The following BRSK1 variants were observed in gnomAD, a reference collection of about 807,000 sequenced individuals.
BRSK1 encodes BR serine/threonine kinase 1.
A neutral mutation model predicts 86.2 loss-of-function variants in BRSK1; 17 were observed. That is an observed-to-expected ratio of 0.20 (90% CI 0.14 to 0.30). The LOEUF (loss-of-function observed/expected upper bound fraction) is 0.30. Among genes scored for constraint, BRSK1 ranks in the 10% least tolerant of loss-of-function variants. The pLI is 1.00. For synonymous variants in BRSK1, 464 were observed against 440.1 expected (o/e 1.05, Z -0.68); for missense variants, 719 against 1,071.9 (o/e 0.67, Z 4.60).
chr19:55,302,383 G>C lies in BRSK1; in HGVS notation c.857+215G>C. ...CTAAGCTAGGAGTCCAGGACTCCCA[G>C]GTTTGAGGGAAAAAGGGACTGGGGG... On this transcript the variant is annotated intron_variant, in intron 9 of 18. Coordinates refer to ENST00000309383, the MANE Select transcript of BRSK1 (RefSeq NM_032430.2). This position sits in a 1 kb window ranked among gnomAD's most constrained non-coding sequence, Gnocchi z 6.3. The C allele has an allele frequency of 1.6e-6, 1 of 632,138 alleles. No homozygotes were observed. Among genetic ancestry groups the C allele is most frequent in the East Asian group, 2.7e-5 (1 of 36,760 alleles). The allele number at this position is 632,138 out of a possible 1,614,324, so 39.2% of individuals were successfully genotyped here. A position where few individuals can be genotyped will look rare whatever the true frequency, so the allele number is the denominator to read the frequency against.
intron 4 of BRSK1, among the ~76,000 whole-genome samples, chr19:55,290,233 T>C (rs1182675976): frequency 6.6e-6 from 1 of 152,204 alleles, no homozygotes; most frequent in Non-Finnish European, 1.5e-5. Context: ...TGACCTCAGG[T>C]GATCTGCCCG....
intron 7 of BRSK1, among the ~76,000 whole-genome samples, chr19:55,299,378 T>TG (rs139132733): frequency 0.12 from 18,213 of 151,338 alleles, 1,232 homozygotes; most frequent in Middle Eastern, 0.2. Context: ...TTGGTTTTTT[T>TG]TTTTGTTTTG....
intron 1 of BRSK1, among the ~76,000 whole-genome samples, chr19:55,285,638 G>T (rs2088298472): frequency 6.6e-6 from 1 of 152,154 alleles, no homozygotes; most frequent in Non-Finnish European, 1.5e-5. Context: ...GCTGCAGCAG[G>T]CGCGTCTCCT....
In BRSK1 at chr19:55,287,012, G is replaced by T. The variant is rs778594088; in HGVS notation, c.142G>T (p.Val48Phe). Residue 48 changes from valine (V) to phenylalanine (F), a missense_variant, in exon 2 of 19, where the codon GTT (valine) becomes TTT (phenylalanine). Around this residue, in one of 6 missense-constraint regions of BRSK1, gnomAD observed 71 missense variants for 92.6 expected, o/e 0.77. Coordinates refer to ENST00000309383, the MANE Select transcript of BRSK1 (RefSeq NM_032430.2). This position sits in a 1 kb window ranked among gnomAD's most constrained non-coding sequence, Gnocchi z 5.3. ...KTLGKGQTGL[V>F]KLGVHCITGQ... ...TTTTCACCCTGCTCCTGCAGGGCTG[G>T]TTAAACTCGGGGTCCACTGCATCAC... The T allele has an allele frequency of 6.2e-7, 1 of 1,614,006 alleles. No homozygotes were observed. The highest frequency in any genetic ancestry group is 8.5e-7 in the Non-Finnish European group (1 of 1,179,960).
At chr19:55,308,496 G>A in intron 17 of BRSK1, 143 bp from the exon 18 acceptor site, 1 of 673,476 alleles carries the variant, frequency 1.5e-6, no homozygotes, top group Non-Finnish European at 2.8e-6. Context: ...ACCGTGGATT[G>A]ATGTGGCCCC....
At position 55,284,283 on chromosome 19, in the gene BRSK1, C is replaced by T; in HGVS notation, c.-160C>T. On this transcript the variant is annotated 5_prime_UTR_variant, in exon 1 of 19. Transcript: ENST00000309383. The stretch of plus-strand genomic sequence containing the variant: ...CCCCTCCCCCAGCTCCGCGGCCCGC[C>T]GACTGGGGGGGGCCAGCCCAGCCCC... The T allele has an allele frequency of 3.4e-6, 2 of 581,814 alleles. No individual in the cohort carries two copies. The highest frequency in any genetic ancestry group is 3.8e-5 in the East Asian group (1 of 26,474). The allele number at this position is 581,814 out of a possible 1,614,324, so 36.0% of individuals were successfully genotyped here.
At chr19:55,296,017 C>A (rs1214432813) in intron 7 of BRSK1, among the ~76,000 whole-genome samples, 1 of 152,116 alleles carries the variant, frequency 6.6e-6, no homozygotes, top group African/African-American at 2.4e-5. Context: ...CTGCTCCTAC[C>A]ACAGGGCCTT....
rs68176323 is a variant in BRSK1 at position 55,307,747 on chromosome 19, T to TACAC, written c.2090-854_2090-851dup. On this transcript the variant is annotated intron_variant, in intron 17 of 18. Coordinates refer to ENST00000309383, the MANE Select transcript of BRSK1 (RefSeq NM_032430.2). ...TCTACAAAACAAACAAAAAAATTTA[T>TACAC]ACACACACACACACACACACACACA... 9.5e-3 allele frequency among the ~76,000 whole-genome samples: 836 copies of TACAC among 88,110 alleles called. 13 individuals carry two copies. The highest frequency in any genetic ancestry group is 0.032 in the African/African-American group (607 of 19,102). 57.8% of individuals were successfully genotyped at this position (88,110 alleles called of 152,430 possible). A position where few individuals can be genotyped will look rare whatever the true frequency, so the allele number is the denominator to read the frequency against.
In BRSK1 at chr19:55,306,203, G is replaced by A; in HGVS notation, c.1891-49G>A. On this transcript the variant is annotated intron_variant, in intron 16 of 18. Coordinates refer to ENST00000309383, the MANE Select transcript of BRSK1 (RefSeq NM_032430.2). This position sits in a 1 kb window ranked among gnomAD's most constrained non-coding sequence, Gnocchi z 4.7. Reference sequence around the variant, plus strand: ...TTGGCCAGAGCTGGTCGTGGGGCTGGGTATCCATTTCCTGGGCTCACCCCT... The same window carrying A: ...TTGGCCAGAGCTGGTCGTGGGGCTGAGTATCCATTTCCTGGGCTCACCCCT... 1 of 1,594,194 alleles carries A rather than the reference G, an allele frequency of 6.3e-7. No individual in the cohort carries two copies. Among genetic ancestry groups the A allele is most frequent in the South Asian group, 1.1e-5 (1 of 90,366 alleles).
At position 55,304,984 on chromosome 19, in the gene BRSK1, A is replaced by G. The variant is rs1012406277; in HGVS notation, c.1717+64A>G. On this transcript the variant is annotated intron_variant, in intron 14 of 18. Coordinates refer to ENST00000309383, the MANE Select transcript of BRSK1 (RefSeq NM_032430.2). The surrounding 1 kb of genome is among the most constrained non-coding windows in gnomAD (Gnocchi z 5.2). ...AGGTTGGGGCTAAAAATCTGGTTCCAGGGATGTCCGTCTGGCGTGTCTAGA... is the reference window on the plus strand; with the variant it reads ...AGGTTGGGGCTAAAAATCTGGTTCCGGGGATGTCCGTCTGGCGTGTCTAGA... 13 of 1,584,308 alleles carry G rather than the reference A, an allele frequency of 8.2e-6. No homozygotes were observed. The highest frequency in any genetic ancestry group is 9.4e-6 in the Non-Finnish European group (11 of 1,172,982).
Position 55,284,210 on chromosome 19 carries a change from C to G in BRSK1, c.-233C>G. ...GCTGGGGAGGGGGGGCCCCGCAGCCCCCCTGGGCCATGCTGACTCCCGGGG... is the reference window on the plus strand; with the variant it reads ...GCTGGGGAGGGGGGGCCCCGCAGCCGCCCTGGGCCATGCTGACTCCCGGGG... On this transcript the variant is annotated 5_prime_UTR_variant, in exon 1 of 19. Transcript: ENST00000309383. 1.4e-6 allele frequency: 1 copy of G among 723,276 alleles called. No individual in the cohort carries two copies. The highest frequency in any genetic ancestry group is 1.9e-6 in the Non-Finnish European group (1 of 525,906). The allele number at this position is 723,276 out of a possible 1,614,324, so 44.8% of individuals were successfully genotyped here. A position where few individuals can be genotyped will look rare whatever the true frequency, so the allele number is the denominator to read the frequency against.
At position 55,303,373 on chromosome 19, in the gene BRSK1, G is replaced by A. The variant is rs1202163773; in HGVS notation, c.1091G>A (p.Cys364Tyr). The change falls in exon 11 of 19, where the codon TGT becomes TAT. Residue 364 changes from cysteine to tyrosine, a missense_variant. This residue lies in a region of BRSK1 where 168 missense variants were observed against 246.3 expected (regional missense o/e 0.68). Transcript: ENST00000309383. The surrounding 1 kb of genome is among the most constrained non-coding windows in gnomAD (Gnocchi z 5.1). ...GATCGGAAGGAGCGGTATCCCAGCT[G>A]TGAGGACCAGGACCTGCCTCCCCGG... is the stretch of plus-strand genomic sequence containing the variant. ...LLDRKERYPS[C>Y]EDQDLPPRND... 3 of 1,613,886 alleles carry A rather than the reference G, an allele frequency of 1.9e-6. No individual in the cohort carries two copies. Among genetic ancestry groups the A allele is most frequent in the African/African-American group, 1.3e-5 (1 of 74,892 alleles).
intron 3 of BRSK1, among the ~76,000 whole-genome samples, chr19:55,288,292 A>G (rs1206014182): frequency 3.3e-5 from 5 of 151,952 alleles, no homozygotes; most frequent in Middle Eastern, 3.2e-3. Flanking sequence ...CCTGAGCAAC[A>G]TGGCAAAACC....
At chr19:55,292,054 C>G (rs992419094) in intron 4 of BRSK1, among the ~76,000 whole-genome samples, 1 of 152,206 alleles carries the variant, frequency 6.6e-6, no homozygotes, top group African/African-American at 2.4e-5. Context: ...GCCACCGCAC[C>G]CGGCCCTGTT....
In BRSK1 at chr19:55,305,512, G is replaced by C. The variant is rs747228714; in HGVS notation, c.1816G>C (p.Glu606Gln). Residue 606 changes from glutamate to glutamine, a missense_variant, in exon 16 of 19, where the codon GAA becomes CAA. Around this residue, in one of 6 missense-constraint regions of BRSK1, gnomAD observed 180 missense variants for 259.4 expected, o/e 0.69. Coordinates refer to ENST00000309383, the MANE Select transcript of BRSK1 (RefSeq NM_032430.2). ...GAACTTCATCTCCTTGGACAAAGAA[G>C]AACAAATATTCCTCGTGCTAAAGGA... is the stretch of plus-strand genomic sequence containing the variant. The part of the protein sequence containing the change: ...FGNFISLDKE[E>Q]QIFLVLKDKP... 6.2e-7 allele frequency: 1 copy of C among 1,614,202 alleles called. No individual in the cohort carries two copies. Among genetic ancestry groups the C allele is most frequent in the Non-Finnish European group, 8.5e-7 (1 of 1,180,034 alleles).
rs1208587746 is a variant in BRSK1 at position 55,287,115 on chromosome 19, C to T, written c.231+14C>T. The T allele has an allele frequency of 1.9e-6, 3 of 1,598,534 alleles. No individual in the cohort carries two copies. The African/African-American group carries it at 4.1e-5, about 22-fold the overall frequency. ...GTGCTGATGAAGGTGTGTGCGCCTG[C>T]TGCAGTGTGCCTGCGGGTGGGGGGG... On this transcript the variant is annotated intron_variant, in intron 2 of 18. Coordinates refer to ENST00000309383, the MANE Select transcript of BRSK1 (RefSeq NM_032430.2). The surrounding 1 kb of genome is among the most constrained non-coding windows in gnomAD (Gnocchi z 5.3).
rs984086790 is a variant in BRSK1, at chr19:55,304,245, A to G, written c.1347+135A>G. On this transcript the variant is annotated intron_variant, in intron 13 of 18. Transcript: ENST00000309383. This position sits in a 1 kb window ranked among gnomAD's most constrained non-coding sequence, Gnocchi z 5.2. ...TTGTCCCTGGAGGGCCAAAGACCCA[A>G]GGCCTCCAAAGTATTTTGGTCCATT... is the stretch of plus-strand genomic sequence containing the variant. The G allele has an allele frequency of 1.5e-5, 14 of 933,506 alleles. No individual in the cohort carries two copies. Among genetic ancestry groups the G allele is most frequent in the Middle Eastern group, 3.4e-4 (1 of 2,930 alleles). The allele number at this position is 933,506 out of a possible 1,614,324, so 57.8% of individuals were successfully genotyped here. A position where few individuals can be genotyped will look rare whatever the true frequency, so the allele number is the denominator to read the frequency against.
chr19:55,306,341 C>T lies in BRSK1; in HGVS notation c.1980C>T (p.Pro660=), dbSNP rs199649218. The change falls in exon 17 of 19, where the codon CCC becomes CCT. Residue 660 remains proline, a synonymous_variant. Coordinates refer to ENST00000309383, the MANE Select transcript of BRSK1 (RefSeq NM_032430.2). This position sits in a 1 kb window ranked among gnomAD's most constrained non-coding sequence, Gnocchi z 4.7. ...GCGGCCCCTCCGTCTTCCAAAAGCC[C>T]GTCCGCTTCCAGGTGGACATCAGCT... ...ASGGPSVFQK[P]VRFQVDISSS... 9.0e-5 allele frequency: 146 copies of T among 1,614,112 alleles called. No individual in the cohort carries two copies. The highest frequency in any genetic ancestry group is 1.1e-4 in the Non-Finnish European group (134 of 1,180,044).
Position 55,304,883 on chromosome 19 carries a change from C to T in BRSK1, c.1680C>T (p.Phe560=), listed in dbSNP as rs770480028. 6 of 1,609,590 alleles carry T rather than the reference C, an allele frequency of 3.7e-6. No individual in the cohort carries two copies. The East Asian group carries it at 1.3e-4, about 36-fold the overall frequency. Residue 560 remains phenylalanine, a synonymous_variant, in exon 14 of 19, where the codon TTC becomes TTT. Transcript: ENST00000309383. This position sits in a 1 kb window ranked among gnomAD's most constrained non-coding sequence, Gnocchi z 5.2. ...RSRLNSIRNS[F]LGSPRFHRRK... ...GTCTCAACTCCATCCGCAACAGCTT[C>T]CTGGGCTCCCCTCGCTTTCACCGGC...
Sources: gnomAD v4.1 joint callset for allele counts (sites outside exome capture counted in the v4.1 genomes callset) on GRCh38, gnomAD v4.1.1 for gene constraint, gnomAD v4.1.1 regional missense constraint, Gnocchi (gnomAD v3.1) non-coding constraint, MANE v1.5 for transcripts, NCBI Gene and HGNC (gene_info 2026-07-23, HGNC 2026-07-21) for gene names.